The following MTMR14 variants were observed in gnomAD, a reference collection of about 807,000 sequenced individuals.
MTMR14 encodes phosphatidylinositol-3,5-bisphosphate 3-phosphatase MTMR14.
A neutral mutation model predicts 86.3 loss-of-function variants in MTMR14; 48 were observed. The ratio of observed to expected loss-of-function variants is 0.56; its 90% CI spans 0.44 to 0.71. The LOEUF (loss-of-function observed/expected upper bound fraction) is 0.71. MTMR14 is among the 30% of genes least tolerant of loss of function. MTMR14 has a pLI of 0.00. For synonymous variants in MTMR14, 366 were observed against 326.1 expected, an observed-to-expected ratio of 1.12 and a Z score of -1.32; for missense variants, 780 against 834.6, an observed-to-expected ratio of 0.93 and a Z score of 0.81.
At chr3:9,666,879 A>C (rs549295804) in intron 3 of MTMR14, among the ~76,000 whole-genome samples, 14 of 152,342 alleles carry the variant, frequency 9.2e-5, no homozygotes, top group Admixed American at 2.6e-4. Flanking sequence ...ATGATGGGTT[A>C]TGAGTCAGAA....
At chr3:9,664,617 G>A (rs1447923779) in intron 3 of MTMR14, among the ~76,000 whole-genome samples, 1 of 152,084 alleles carries the variant, frequency 6.6e-6, no homozygotes, top group East Asian at 1.9e-4. Flanking sequence ...TAGAACTGGA[G>A]GTCATTATGT....
chr3:9,654,016 T>C (rs2047458645), intron 2 of MTMR14: 1 of 537,126 alleles, frequency 1.9e-6, no homozygotes. Flanking sequence ...TGTCCTAAGA[T>C]AGCTGACTTC....
At chr3:9,672,351 T>C (rs1281042187) in intron 6 of MTMR14, among the ~76,000 whole-genome samples, 1 of 152,180 alleles carries the variant, frequency 6.6e-6, no homozygotes, top group Non-Finnish European at 1.5e-5. Flanking sequence ...GCAATTCTCC[T>C]GCTTCAGCCT....
intron 2 of MTMR14, among the ~76,000 whole-genome samples, chr3:9,657,307 A>G (rs528005732): frequency 2.0e-5 from 3 of 152,324 alleles, no homozygotes; most frequent in Non-Finnish European, 2.9e-5. Context: ...GCGATTTGGC[A>G]TATTCTAACA....
rs370505028 is a variant in MTMR14, at chr3:9,659,757, G to C, written c.309-2510G>C. 1.5e-4 allele frequency: 67 copies of C among 456,618 alleles called. 1 individual carries two copies. In the East Asian group the frequency reaches 4.2e-3, roughly 29 times the overall value. 28.3% of individuals were successfully genotyped at this position (456,618 alleles called of 1,614,324 possible). A position where few individuals can be genotyped will look rare whatever the true frequency, so the allele number is the denominator to read the frequency against. The stretch of plus-strand genomic sequence containing the variant: ...GTGCCTGGCCAGAAACTGAATTGGA[G>C]CTTGATGTAGGGGAACCGGTAAAGG... On this transcript the variant is annotated intron_variant, in intron 2 of 18. Coordinates refer to ENST00000296003, the MANE Select transcript of MTMR14 (RefSeq NM_001077525.3).
chr3:9,666,295 G>T (rs1488523140), intron 3 of MTMR14, among the ~76,000 whole-genome samples: 1 of 151,936 alleles, frequency 6.6e-6, no homozygotes, highest in Non-Finnish European at 1.5e-5. Context: ...CTCCACACCT[G>T]GCTAATTTTG....
chr3:9,680,011 T>C (rs1055375639), intron 9 of MTMR14, among the ~76,000 whole-genome samples: 1 of 152,160 alleles, frequency 6.6e-6, no homozygotes. Flanking sequence ...GCCGGTACCC[T>C]GTTCCTTTTC....
chr3:9,685,152 C>T (rs2125275694), intron 12 of MTMR14, 59 bp from the exon 13 acceptor site: 4 of 1,609,876 alleles, frequency 2.5e-6, no homozygotes, highest in Non-Finnish European at 3.4e-6. Flanking sequence ...GTGACCCTGT[C>T]CTCTTGGCCT....
rs1344329478 is a variant in MTMR14, at chr3:9,689,182, AAG to A, written c.1433+104_1433+105del. ...AGCCCCAAGAACAAAGCAGGCCCCC[AAG>A]AGAAGAGCTGAGAGGATAGCTCCGT... On this transcript the variant is annotated intron_variant, in intron 16 of 18. Transcript: ENST00000296003. 1.1e-5 allele frequency: 17 copies of A among 1,540,834 alleles called. No individual in the cohort carries two copies. The East Asian group carries it at 3.7e-4, about 34-fold the overall frequency.
At chr3:9,676,887 A>G (rs951046206) in intron 7 of MTMR14, among the ~76,000 whole-genome samples, 1 of 152,228 alleles carries the variant, frequency 6.6e-6, no homozygotes, top group African/African-American at 2.4e-5. Context: ...CAAGGCTAGC[A>G]TTATTTGCCC....
intron 2 of MTMR14, among the ~76,000 whole-genome samples, chr3:9,655,416 G>T (rs1053823785): frequency 6.6e-6 from 1 of 151,056 alleles, no homozygotes; most frequent in Non-Finnish European, 1.5e-5. Context: ...GGGCCTTCTG[G>T]AATCAGAATT....
At chr3:9,665,562 T>C (rs2048201236) in intron 3 of MTMR14, among the ~76,000 whole-genome samples, 1 of 151,940 alleles carries the variant, frequency 6.6e-6, no homozygotes, top group Non-Finnish European at 1.5e-5. Context: ...TAAATAGAAG[T>C]CTAAACCCCG....
chr3:9,663,501 CTTTTTTTTTTT>C (rs4021721), intron 3 of MTMR14, among the ~76,000 whole-genome samples: 5 of 69,968 alleles, frequency 7.1e-5, no homozygotes, highest in South Asian at 1.2e-3. Context: ...GAGTCTCTCT[CTTTTTTTTTTT>C]TTTTTTTTTT....
chr3:9,651,496 C>T (rs1366305030), intron 1 of MTMR14, among the ~76,000 whole-genome samples: 1 of 152,166 alleles, frequency 6.6e-6, no homozygotes, highest in African/African-American at 2.4e-5. Context: ...GCATAAGTTA[C>T]ACCTCATATT....
Position 9,700,079 on chromosome 3 carries a change from C to T in MTMR14, c.1770-1711C>T, listed in dbSNP as rs192919132. ...TCCATCTCTCACATTTCACTCCCAC[C>T]GATCTGCTTTCCCTAGAGTCCTGTC... On this transcript the variant is annotated intron_variant, in intron 18 of 18. Coordinates refer to ENST00000296003, the MANE Select transcript of MTMR14 (RefSeq NM_001077525.3). 272 of 152,386 alleles carry T rather than the reference C, an allele frequency of 1.8e-3. 2 individuals are homozygous for T. Among genetic ancestry groups the T allele is most frequent in the Non-Finnish European group, 3.2e-3 (215 of 68,090 alleles). The allele number at this position is 152,386 out of a possible 1,614,324, so 9.4% of individuals were successfully genotyped here.
chr3:9,693,809 A>T (rs1374603129), intron 17 of MTMR14, among the ~76,000 whole-genome samples: 1 of 152,178 alleles, frequency 6.6e-6, no homozygotes, highest in African/African-American at 2.4e-5. Context: ...TGGGGTGGTA[A>T]GTGGGTGGCA....
At chr3:9,694,376 C>T (rs901661229) in intron 17 of MTMR14, among the ~76,000 whole-genome samples, 9 of 152,096 alleles carry the variant, frequency 5.9e-5, no homozygotes, top group Admixed American at 5.2e-4. Context: ...GGCATGGTGG[C>T]TCATGTCTGT....
rs957530470 is a variant in MTMR14, at chr3:9,657,208, A to G, written c.308+3439A>G. Among the ~76,000 whole-genome samples the G allele has an allele frequency of 2.6e-5, 4 of 152,090 alleles. No individual in the cohort carries two copies. The East Asian group carries it at 7.7e-4, about 29-fold the overall frequency. ...AGAGGTGAGAGCCACCGCACCCAAC[A>G]GAGTGGTTCTTTTCTATGTTGATTT... is the stretch of plus-strand genomic sequence containing the variant. On this transcript the variant is annotated intron_variant, in intron 2 of 18. Transcript: ENST00000296003.
Position 9,689,996 on chromosome 3 carries a change from T to TC in MTMR14, c.1468dup (p.Leu490ProfsTer33). 3.7e-6 allele frequency: 6 copies of TC among 1,611,690 alleles called. No individual in the cohort carries two copies. Among genetic ancestry groups the TC allele is most frequent in the Non-Finnish European group, 5.1e-6 (6 of 1,179,802 alleles). On this transcript the variant is annotated frameshift_variant, in exon 17 of 19. Coordinates refer to ENST00000296003, the MANE Select transcript of MTMR14 (RefSeq NM_001077525.3). LOFTEE classifies it high-confidence loss of function. ...AGCCACTCATCCTCTCCACAGAGTG[T>TC]CCTCTGGAACCGGCCACAACCCTCA...
Sources: allele counts gnomAD v4.1 joint callset (sites outside exome capture counted in the v4.1 genomes callset), GRCh38; gene constraint gnomAD v4.1.1; transcripts MANE v1.5; gene names NCBI Gene and HGNC (gene_info 2026-07-23, HGNC 2026-07-21).